Variants in RAB8B observed in about 807,000 individuals in gnomAD.
RAB8B encodes the protein ras-related protein Rab-8B.
Under a neutral mutation model 32.0 loss-of-function variants are expected in RAB8B, and 11 were observed. That is an observed-to-expected ratio of 0.34 (90% CI 0.22 to 0.57). The LOEUF is 0.57. Ranked by LOEUF, RAB8B falls within the 20% of genes least tolerant of loss-of-function variation. RAB8B has a pLI of 0.86. For synonymous variants in RAB8B, 103 were observed against 89.6 expected (o/e 1.15, Z -0.85); for missense variants, 190 against 258.5 (o/e 0.73, Z 1.82).
chr15:63,243,150 C>G (rs2038046011), intron 1 of RAB8B, among the ~76,000 whole-genome samples: 1 of 152,170 alleles, frequency 6.6e-6, no homozygotes, highest in Non-Finnish European at 1.5e-5. Context: ...CTATGAGAAT[C>G]TAATGCCACT....
intron 2 of RAB8B, among the ~76,000 whole-genome samples, chr15:63,245,939 C>A (rs1451336674): frequency 6.6e-6 from 1 of 152,072 alleles, no homozygotes; most frequent in African/African-American, 2.4e-5. Context: ...ATGGTGTGAG[C>A]TCGGCTCACT....
chr15:63,195,160 T>G (rs375369801), intron 1 of RAB8B, among the ~76,000 whole-genome samples: 14 of 152,254 alleles, frequency 9.2e-5, no homozygotes, highest in Non-Finnish European at 2.1e-4. Context: ...TTGAACATTT[T>G]GTACATAAAG....
intron 1 of RAB8B, among the ~76,000 whole-genome samples, chr15:63,229,772 C>T (rs141102933): frequency 2.3e-5 from 2 of 88,322 alleles, no homozygotes; most frequent in African/African-American, 9.9e-5. Flanking sequence ...CAGAGCAAGA[C>T]GCTGTTTCAA....
chr15:63,234,794 C>T (rs1274370054), intron 1 of RAB8B, among the ~76,000 whole-genome samples: 1 of 152,220 alleles, frequency 6.6e-6, no homozygotes, highest in Non-Finnish European at 1.5e-5. Flanking sequence ...CCTCCCACCC[C>T]AAGGGTGGGG....
At chr15:63,197,026 G>A (rs1331855397) in intron 1 of RAB8B, among the ~76,000 whole-genome samples, 2 of 152,084 alleles carry the variant, frequency 1.3e-5, no homozygotes, top group Non-Finnish European at 2.9e-5. Flanking sequence ...ACAGTTTCAT[G>A]CCCATTTTTA....
At chr15:63,196,382 G>A (rs1240766079) in intron 1 of RAB8B, among the ~76,000 whole-genome samples, 2 of 152,232 alleles carry the variant, frequency 1.3e-5, no homozygotes, top group African/African-American at 2.4e-5. Context: ...GGACTAGTAT[G>A]TTTGGCATTA....
At position 63,263,594 on chromosome 15, in the gene RAB8B, G is replaced by T. The variant is rs768679955; in HGVS notation, c.599G>T (p.Ser200Ile). 3.1e-6 allele frequency: 5 copies of T among 1,610,816 alleles called. No homozygotes were observed. The African/African-American group carries it at 4.0e-5, about 13-fold the overall frequency. The change falls in exon 8 of 8, where the codon AGT becomes ATT. Residue 200 changes from serine to isoleucine, a missense_variant. Physicochemically the swap from Ser to Ile is moderately radical, Grantham distance 142 (BLOSUM62 -2). This residue lies in a region of RAB8B where 110 missense variants were observed against 115.9 expected (regional missense o/e 0.95). Coordinates refer to ENST00000321437, the MANE Select transcript of RAB8B (RefSeq NM_016530.3). The part of the protein sequence containing the change: ...KITENRSKKT[S>I]FFRCSLL ...ACAGAAAACCGATCAAAGAAGACCA[G>T]TTTCTTTCGTTGCTCGCTACTTTGA...
intron 1 of RAB8B, among the ~76,000 whole-genome samples, chr15:63,196,139 A>G (rs1287434388): frequency 1.3e-5 from 2 of 152,206 alleles, no homozygotes; most frequent in Non-Finnish European, 2.9e-5. Context: ...ATAAAAACTC[A>G]ACTTTATGGG....
chr15:63,240,013 G>A (rs1033793097), intron 1 of RAB8B, among the ~76,000 whole-genome samples: 1 of 152,064 alleles, frequency 6.6e-6, no homozygotes. Context: ...AAAGTGAGGT[G>A]GTCATGCAGG....
intron 1 of RAB8B, among the ~76,000 whole-genome samples, chr15:63,242,928 T>C (rs2038044180): frequency 6.6e-6 from 1 of 152,212 alleles, no homozygotes; most frequent in African/African-American, 2.4e-5. Flanking sequence ...TATGCACTTA[T>C]ATTCTATTTT....
chr15:63,194,860 A>G (rs1415641549), intron 1 of RAB8B, among the ~76,000 whole-genome samples: 1 of 152,224 alleles, frequency 6.6e-6, no homozygotes, highest in African/African-American at 2.4e-5. Flanking sequence ...AAGAGACCAT[A>G]TGTATCCCAC....
chr15:63,214,248 T>A (rs1193455169), intron 1 of RAB8B, among the ~76,000 whole-genome samples: 1 of 150,936 alleles, frequency 6.6e-6, no homozygotes, highest in Non-Finnish European at 1.5e-5. Context: ...AATTCAACAG[T>A]GTTGAATTCC....
intron 1 of RAB8B, among the ~76,000 whole-genome samples, chr15:63,206,821 C>T (rs970961481): frequency 2.0e-4 from 31 of 152,252 alleles, no homozygotes; most frequent in African/African-American, 7.5e-4. Flanking sequence ...TCCCCCATCT[C>T]CTCACTCATT....
intron 1 of RAB8B, among the ~76,000 whole-genome samples, chr15:63,239,648 T>C (rs1420815494): frequency 2.6e-5 from 4 of 152,194 alleles, no homozygotes; most frequent in Non-Finnish European, 5.9e-5. Context: ...CCTCAGGTGA[T>C]CTGCCTGCCT....
In RAB8B at chr15:63,251,143, C is replaced by CT. The variant is rs200452885; in HGVS notation, c.246+1442dup. On this transcript the variant is annotated intron_variant, in intron 3 of 7. Transcript: ENST00000321437. ...GTTCCCCACACTCCACCCTATAATACTTTTAAGATTGTGAAGGGTCATCAT... is the reference window on the plus strand; with the variant it reads ...GTTCCCCACACTCCACCCTATAATACTTTTTAAGATTGTGAAGGGTCATCAT... 5,442 of 396,712 alleles carry CT rather than the reference C, an allele frequency of 0.014. 520 individuals are homozygous for CT. The Admixed American group carries it at 0.16, about 12-fold the overall frequency. 24.6% of individuals were successfully genotyped at this position (396,712 alleles called of 1,614,324 possible). A position where few individuals can be genotyped will look rare whatever the true frequency, so the allele number is the denominator to read the frequency against.
rs556522773 is a variant in RAB8B, at chr15:63,190,080, G to A, written c.124+332G>A. On this transcript the variant is annotated intron_variant, in intron 1 of 7. Coordinates refer to ENST00000321437, the MANE Select transcript of RAB8B (RefSeq NM_016530.3). ...TCTTTGAGGGACAAAATGTGTTGGGGGGAAGACTCAGGAAATCTCATGTAG... is the reference window on the plus strand; with the variant it reads ...TCTTTGAGGGACAAAATGTGTTGGGAGGAAGACTCAGGAAATCTCATGTAG... 2.0e-5 allele frequency among the ~76,000 whole-genome samples: 3 copies of A among 151,548 alleles called. No homozygotes were observed. The East Asian group carries it at 5.8e-4, about 29-fold the overall frequency.
chr15:63,252,022 C>T (rs1292203204), intron 3 of RAB8B, among the ~76,000 whole-genome samples: 2 of 151,846 alleles, frequency 1.3e-5, no homozygotes, highest in Non-Finnish European at 2.9e-5. Context: ...GACATTTGGG[C>T]TTTGGGGAAA....
intron 1 of RAB8B, among the ~76,000 whole-genome samples, chr15:63,230,162 G>C (rs2037924136): frequency 6.6e-6 from 1 of 152,094 alleles, no homozygotes; most frequent in South Asian, 2.1e-4. Context: ...TGGCTACAGT[G>C]AGCTGTAAGT....
chr15:63,223,773 C>T (rs750785000), intron 1 of RAB8B: 3 of 281,992 alleles, frequency 1.1e-5, no homozygotes, highest in Non-Finnish European at 2.2e-5. Context: ...TTTCTTTTTC[C>T]TGACTAGACC....
Sources: allele counts gnomAD v4.1 joint callset (sites outside exome capture counted in the v4.1 genomes callset), GRCh38; gene constraint gnomAD v4.1.1; regional missense constraint gnomAD v4.1.1; transcripts MANE v1.5; gene names NCBI Gene and HGNC (gene_info 2026-07-23, HGNC 2026-07-21).